Variants in STK32B observed in about 807,000 individuals in gnomAD.
STK32B encodes serine/threonine-protein kinase 32B.
In STK32B, 43 loss-of-function variants were observed where a neutral mutation model predicts 52.6. That is an observed-to-expected ratio of 0.82 (90% CI 0.64 to 1.05). The LOEUF (loss-of-function observed/expected upper bound fraction) is 1.05. STK32B is among the 50% of genes least tolerant of loss of function. The probability of loss-of-function intolerance (pLI) is 0.00; values close to 1 mark genes in which losing one functional copy is unlikely to be tolerated. For synonymous variants in STK32B, 238 were observed against 204.3 expected (o/e 1.17, Z -1.41); for missense variants, 621 against 534.6 (o/e 1.16, Z -1.59).
At chr4:5,260,011 A>C (rs1280811240) in intron 3 of STK32B, among the ~76,000 whole-genome samples, 1 of 151,984 alleles carries the variant, frequency 6.6e-6, no homozygotes, top group Non-Finnish European at 1.5e-5. Flanking sequence ...AGGGGGGGTC[A>C]AGTCATGCCA....
chr4:5,100,253 G>A (rs1308193344), intron 1 of STK32B, among the ~76,000 whole-genome samples: 1 of 152,172 alleles, frequency 6.6e-6, no homozygotes, highest in African/African-American at 2.4e-5. Context: ...TCAAGAGAGG[G>A]TGGCCACTGG....
At chr4:5,126,312 C>T (rs1007514417) in intron 1 of STK32B, among the ~76,000 whole-genome samples, 39 of 152,354 alleles carry the variant, frequency 2.6e-4, no homozygotes, top group Non-Finnish European at 4.1e-4. Context: ...CTCCATCCCT[C>T]CCTTGTTCTC....
rs1344183588 is a variant in STK32B, at chr4:5,188,776, C to CTT, written c.260+20339_260+20340dup. Among the ~76,000 whole-genome samples the CTT allele has an allele frequency of 7.7e-3, 870 of 112,894 alleles. 11 individuals carry two copies. Among genetic ancestry groups the CTT allele is most frequent in the African/African-American group, 0.026 (810 of 31,360 alleles). The allele number at this position is 112,894 out of a possible 152,430, so 74.1% of individuals were successfully genotyped here. ...TCTCCATGAGGATGATAACTGCCAT[C>CTT]TTTTTTTTTTTTTTCTAAGAAGACT... On this transcript the variant is annotated intron_variant, in intron 3 of 11. Transcript: ENST00000282908.
chr4:5,034,716 A>AT, the STK32B span, among the ~76,000 whole-genome samples: 1 of 152,214 alleles, frequency 6.6e-6, no homozygotes, highest in South Asian at 2.1e-4. Context: ...CCCCACACTC[A>AT]TTCAGCTGAT....
chr4:5,360,495 T>G (rs1277759826), intron 4 of STK32B, among the ~76,000 whole-genome samples: 1 of 152,086 alleles, frequency 6.6e-6, no homozygotes, highest in Non-Finnish European at 1.5e-5. Flanking sequence ...GAATAGACCG[T>G]GTGTGCGCTC....
At chr4:5,050,515 C>G (rs1741719922), upstream of STK32B, among the ~76,000 whole-genome samples, 1 of 152,118 alleles carries the variant, frequency 6.6e-6, no homozygotes, top group African/African-American at 2.4e-5. Flanking sequence ...GAGAGAGAGA[C>G]CAGGTAGGGG....
chr4:5,036,494 C>T, the STK32B span, among the ~76,000 whole-genome samples: 1 of 152,066 alleles, frequency 6.6e-6, no homozygotes. Context: ...CTTGCTGAGT[C>T]ATCAAGGAGG....
chr4:5,074,290 T>G (rs1056797595), intron 1 of STK32B, among the ~76,000 whole-genome samples: 2 of 152,004 alleles, frequency 1.3e-5, no homozygotes, highest in Non-Finnish European at 2.9e-5. Flanking sequence ...ACAGATCCCT[T>G]CTGTATTGTC....
chr4:5,273,892 G>C (rs1332884237), intron 3 of STK32B, among the ~76,000 whole-genome samples: 1 of 150,050 alleles, frequency 6.7e-6, no homozygotes, highest in Non-Finnish European at 1.5e-5. Flanking sequence ...CCTAATGCTA[G>C]ATGACGAGTT....
intron 4 of STK32B, among the ~76,000 whole-genome samples, chr4:5,387,572 G>C (rs1039173689): frequency 1.3e-5 from 2 of 152,092 alleles, no homozygotes; most frequent in Non-Finnish European, 2.9e-5. Flanking sequence ...GGGCCTGGAG[G>C]AGGGCACTCC....
intron 4 of STK32B, among the ~76,000 whole-genome samples, chr4:5,341,937 C>T (rs1229379602): frequency 6.6e-6 from 1 of 152,110 alleles, no homozygotes; most frequent in Non-Finnish European, 1.5e-5. Context: ...TGTTGGTGTG[C>T]TGCATCCATT....
chr4:5,168,465 A>T lies in STK32B; in HGVS notation c.260+15A>T, dbSNP rs1560193302. 2 of 1,605,594 alleles carry T rather than the reference A, an allele frequency of 1.2e-6. No individual in the cohort carries two copies. Among genetic ancestry groups the T allele is most frequent in the Non-Finnish European group, 8.5e-7 (1 of 1,175,014 alleles). ...GTCAATCTGTGGTGAGTGTGGCTCCATCCAGGGCTCCTGTGGGTTCCCCTG... is the reference window on the plus strand; with the variant it reads ...GTCAATCTGTGGTGAGTGTGGCTCCTTCCAGGGCTCCTGTGGGTTCCCCTG... On this transcript the variant is annotated intron_variant, in intron 3 of 11. Coordinates refer to ENST00000282908, the MANE Select transcript of STK32B (RefSeq NM_018401.3).
At chr4:5,083,221 C>T (rs372433664) in intron 1 of STK32B, among the ~76,000 whole-genome samples, 78 of 151,946 alleles carry the variant, frequency 5.1e-4, no homozygotes, top group Middle Eastern at 6.3e-3. Flanking sequence ...CTTGGGATGA[C>T]TAAAATTTAG....
At chr4:5,303,299 A>G (rs1489651048) in intron 3 of STK32B, among the ~76,000 whole-genome samples, 1 of 152,086 alleles carries the variant, frequency 6.6e-6, no homozygotes, top group Non-Finnish European at 1.5e-5. Flanking sequence ...ATTCCCACCA[A>G]CAGTGTAAAA....
intron 3 of STK32B, among the ~76,000 whole-genome samples, chr4:5,213,513 G>A (rs1312629254): frequency 6.6e-6 from 1 of 152,206 alleles, no homozygotes; most frequent in African/African-American, 2.4e-5. Context: ...AAGACTAGAA[G>A]TGAAGCAGAT....
chr4:5,402,842 C>A (rs1737403493), intron 5 of STK32B, among the ~76,000 whole-genome samples: 1 of 152,084 alleles, frequency 6.6e-6, no homozygotes, highest in African/African-American at 2.4e-5. Flanking sequence ...GTGGCTGAGG[C>A]CAGGAGAGTA....
intron 3 of STK32B, among the ~76,000 whole-genome samples, chr4:5,309,659 G>A: frequency 6.6e-6 from 1 of 152,228 alleles, no homozygotes; most frequent in South Asian, 2.1e-4. Context: ...AATGAATGGT[G>A]CCAAAAATAC....
chr4:5,338,251 TGAA>T (rs1477548677), intron 4 of STK32B, among the ~76,000 whole-genome samples: 3 of 151,970 alleles, frequency 2.0e-5, no homozygotes, highest in Admixed American at 2.0e-4. Flanking sequence ...CACAGCAAAA[TGAA>T]GAGGAGAAGG....
chr4:5,309,428 A>C (rs752601231), intron 3 of STK32B, among the ~76,000 whole-genome samples: 1 of 152,216 alleles, frequency 6.6e-6, no homozygotes, highest in Non-Finnish European at 1.5e-5. Context: ...TGAATAACCA[A>C]AGCAATCCTG....
Sources: gnomAD v4.1 joint callset for allele counts (sites outside exome capture counted in the v4.1 genomes callset) on GRCh38, gnomAD v4.1.1 for gene constraint, MANE v1.5 for transcripts, NCBI Gene and HGNC (gene_info 2026-07-23, HGNC 2026-07-21) for gene names.